Variants in BCKDHB observed in about 807,000 individuals in gnomAD.
BCKDHB encodes 2-oxoisovalerate dehydrogenase subunit beta, mitochondrial.
BCKDHB carries 41 observed loss-of-function variants against 48.5 expected under a neutral mutation model. The observed-to-expected ratio is 0.85, with a 90% CI of 0.66 to 1.10. BCKDHB has a LOEUF of 1.10. Among genes scored for constraint, BCKDHB ranks in the 50% least tolerant of loss-of-function variants. The pLI, the probability that BCKDHB is intolerant of heterozygous loss-of-function variation, is 0.00. For synonymous variants in BCKDHB, 201 were observed against 174.8 expected (o/e 1.15, Z -1.18); for missense variants, 496 against 494.2 (o/e 1.00, Z -0.03).
chr6:80,321,969 C>A (rs1258300013), intron 9 of BCKDHB, among the ~76,000 whole-genome samples: 1 of 152,064 alleles, frequency 6.6e-6, no homozygotes, highest in Non-Finnish European at 1.5e-5. Flanking sequence ...GAATCTACTG[C>A]CTTTTCTGAG....
chr6:80,433,904 T>A, the BCKDHB span, among the ~76,000 whole-genome samples: 1 of 152,212 alleles, frequency 6.6e-6, no homozygotes, highest in Non-Finnish European at 1.5e-5. Context: ...TTTGGAAATT[T>A]TTTTGGCCAT....
chr6:80,106,677 C>T lies in BCKDHB; in HGVS notation c.-17C>T, dbSNP rs934148354. 1 of 1,549,978 alleles carries T rather than the reference C, an allele frequency of 6.5e-7. No individual in the cohort carries two copies. The highest frequency in any genetic ancestry group is 8.7e-7 in the Non-Finnish European group (1 of 1,147,284). ...GCGTGCGGCTGCATAGCCTGAGAAT[C>T]CCGGTGGTGAGCGGGGATGGCGGTT... On this transcript the variant is annotated 5_prime_UTR_variant, in exon 1 of 10. Coordinates refer to ENST00000320393, the MANE Select transcript of BCKDHB (RefSeq NM_183050.4).
intron 3 of BCKDHB, among the ~76,000 whole-genome samples, chr6:80,134,500 A>G (rs915952415): frequency 6.6e-6 from 1 of 152,136 alleles, no homozygotes; most frequent in Non-Finnish European, 1.5e-5. Flanking sequence ...CAGTATCCTC[A>G]TCAGTAAATT....
At chr6:80,330,406 A>G (rs1562234208) in intron 9 of BCKDHB, among the ~76,000 whole-genome samples, 1 of 152,174 alleles carries the variant, frequency 6.6e-6, no homozygotes, top group Non-Finnish European at 1.5e-5. Context: ...TAGAAATACA[A>G]ACTGGAATTG....
At chr6:80,400,887 A>G in the BCKDHB span, among the ~76,000 whole-genome samples, 1 of 152,064 alleles carries the variant, frequency 6.6e-6, no homozygotes, top group African/African-American at 2.4e-5. Context: ...TGAAGCCATA[A>G]GAAAGAATGA....
intron 9 of BCKDHB, among the ~76,000 whole-genome samples, chr6:80,308,746 C>T (rs139002060): frequency 0.11 from 16,547 of 151,938 alleles, 1,246 homozygotes; most frequent in Non-Finnish European, 0.16. Flanking sequence ...AGGCGCCCGC[C>T]ACCACGCCCG....
intron 8 of BCKDHB, among the ~76,000 whole-genome samples, chr6:80,255,513 A>T (rs1777012841): frequency 1.3e-5 from 2 of 152,224 alleles, no homozygotes; most frequent in African/African-American, 4.8e-5. Flanking sequence ...GGGAAAAAAA[A>T]GAAAAAAATT....
intron 8 of BCKDHB, among the ~76,000 whole-genome samples, chr6:80,237,390 A>C (rs1776187849): frequency 6.6e-6 from 1 of 152,218 alleles, no homozygotes; most frequent in Non-Finnish European, 1.5e-5. Context: ...CTAATAACTT[A>C]GAAGGGATTC....
rs544220748 is a variant in BCKDHB, at chr6:80,328,329, T to G, written c.1039-15335T>G. Among the ~76,000 whole-genome samples, 10 of 152,306 alleles carry G rather than the reference T, an allele frequency of 6.6e-5. No homozygotes were observed. The South Asian group carries it at 2.1e-3, about 32-fold the overall frequency. On this transcript the variant is annotated intron_variant, in intron 9 of 9. Coordinates refer to ENST00000320393, the MANE Select transcript of BCKDHB (RefSeq NM_183050.4). Reference sequence around the variant, plus strand: ...CATGCTGATCAGTGTACACTGGCAGTGTGGCTGATTGAGTGGAAAAGGGAG... The same window carrying G: ...CATGCTGATCAGTGTACACTGGCAGGGTGGCTGATTGAGTGGAAAAGGGAG...
Position 80,132,882 on chromosome 6 carries a change from T to C in BCKDHB, c.343+3653T>C, listed in dbSNP as rs139930818. ...TTTCTTGCATATTTAAAAAGTAACATATACTTAAAAAATTATCTGCCCTTT... is the reference window on the plus strand; with the variant it reads ...TTTCTTGCATATTTAAAAAGTAACACATACTTAAAAAATTATCTGCCCTTT... On this transcript the variant is annotated intron_variant, in intron 3 of 9. Coordinates refer to ENST00000320393, the MANE Select transcript of BCKDHB (RefSeq NM_183050.4). Among the ~76,000 whole-genome samples the C allele has an allele frequency of 1.7e-3, 265 of 152,292 alleles. 1 individual carries two copies. The highest frequency in any genetic ancestry group is 6.0e-3 in the African/African-American group (251 of 41,578).
At chr6:80,145,205 C>T (rs1037684524) in intron 3 of BCKDHB, among the ~76,000 whole-genome samples, 1 of 152,146 alleles carries the variant, frequency 6.6e-6, no homozygotes, top group Non-Finnish European at 1.5e-5. Context: ...TGTTGTGAAT[C>T]TCTCTTGTGG....
At chr6:80,420,316 C>T in the BCKDHB span, among the ~76,000 whole-genome samples, 1 of 152,160 alleles carries the variant, frequency 6.6e-6, no homozygotes, top group Non-Finnish European at 1.5e-5. Context: ...GAGAAAAAGG[C>T]CTTCTACATA....
the BCKDHB span, among the ~76,000 whole-genome samples, chr6:80,447,091 AT>A: frequency 1.3e-5 from 2 of 152,122 alleles, no homozygotes; most frequent in Non-Finnish European, 2.9e-5. Flanking sequence ...GGGCGAGGAT[AT>A]TTTTAAGTGC....
chr6:80,401,926 TC>T, the BCKDHB span, among the ~76,000 whole-genome samples: 2 of 151,860 alleles, frequency 1.3e-5, no homozygotes, highest in African/African-American at 4.8e-5. Flanking sequence ...ATTTCCTTTT[TC>T]TTTTTAAAAG....
chr6:80,128,739 G>A (rs1031884183), intron 2 of BCKDHB, among the ~76,000 whole-genome samples: 10 of 152,238 alleles, frequency 6.6e-5, no homozygotes, highest in South Asian at 6.2e-4. Flanking sequence ...CTCTGGTCTC[G>A]TTTTCTTCAT....
At chr6:80,463,919 A>G in the BCKDHB span, among the ~76,000 whole-genome samples, 1 of 152,196 alleles carries the variant, frequency 6.6e-6, no homozygotes, top group East Asian at 1.9e-4. Flanking sequence ...TATGTCTGAA[A>G]TATTGTGTCC....
At chr6:80,260,082 C>A (rs1009005623) in intron 8 of BCKDHB, among the ~76,000 whole-genome samples, 3 of 152,062 alleles carry the variant, frequency 2.0e-5, no homozygotes, top group African/African-American at 2.4e-5. Flanking sequence ...TTGGTTGTGG[C>A]TTTTTTACTT....
At chr6:80,327,899 C>T (rs1010411981) in intron 9 of BCKDHB, among the ~76,000 whole-genome samples, 16 of 148,570 alleles carry the variant, frequency 1.1e-4, no homozygotes, top group Admixed American at 8.8e-4. Context: ...TTCCCCTCCC[C>T]TTTTCTCCCC....
At chr6:80,385,918 G>T in the BCKDHB span, among the ~76,000 whole-genome samples, 1 of 152,216 alleles carries the variant, frequency 6.6e-6, no homozygotes, top group African/African-American at 2.4e-5. Flanking sequence ...TAGGGAATCT[G>T]CATTTAATGT....
Sources: allele counts gnomAD v4.1 joint callset (sites outside exome capture counted in the v4.1 genomes callset), GRCh38; gene constraint gnomAD v4.1.1; transcripts MANE v1.5; gene names NCBI Gene and HGNC (gene_info 2026-07-23, HGNC 2026-07-21).